Variants in NRSN1 observed in about 807,000 individuals in gnomAD.
The protein encoded by NRSN1 is neurensin-1.
In NRSN1, 14 loss-of-function variants were observed where a neutral mutation model predicts 17.3. The observed-to-expected ratio is 0.81, with a 90% CI of 0.54 to 1.27. The LOEUF is 1.27. NRSN1 is among the 50% of genes most tolerant of loss of function. The pLI is 0.00. For synonymous variants in NRSN1, 79 were observed against 94.2 expected (o/e 0.84, Z 0.93); for missense variants, 209 against 235.9 (o/e 0.89, Z 0.75).
intron 3 of NRSN1, chr6:24,141,057 G>C (rs1024714269): frequency 3.1e-5 from 46 of 1,461,622 alleles, no homozygotes; most frequent in Non-Finnish European, 4.1e-5. Context: ...CATTGGGATT[G>C]GCCTTACCAC....
chr6:24,128,296 A>C (rs1339384749), intron 2 of NRSN1, 96 bp downstream of exon 2: 1 of 151,348 alleles, frequency 6.6e-6, no homozygotes, highest in African/African-American at 2.5e-5. Flanking sequence ...TTCTTTTCTC[A>C]TTTTAGCTTT....
rs766156666 is a variant in NRSN1, at chr6:24,134,534, G to A, written c.189+18G>A. The A allele has an allele frequency of 7.5e-6, 12 of 1,608,088 alleles. No homozygotes were observed. Among genetic ancestry groups the A allele is most frequent in the Non-Finnish European group, 1.0e-5 (12 of 1,175,706 alleles). On this transcript the variant is annotated intron_variant, in intron 3 of 3. Transcript: ENST00000378491. ...TCTGGAAGGTAAGGAAGGAGCATGTGTTTAACTTAGGGAATGGAAAAATTA... is the reference window on the plus strand; with the variant it reads ...TCTGGAAGGTAAGGAAGGAGCATGTATTTAACTTAGGGAATGGAAAAATTA...
chr6:24,131,964 G>A (rs1042398958), intron 2 of NRSN1, among the ~76,000 whole-genome samples: 21 of 151,974 alleles, frequency 1.4e-4, no homozygotes, highest in Non-Finnish European at 4.4e-5. Context: ...AGGTGTGGGT[G>A]TGTATGTGTA....
intron 3 of NRSN1, among the ~76,000 whole-genome samples, chr6:24,136,616 T>C (rs1260642811): frequency 6.6e-6 from 1 of 152,138 alleles, no homozygotes; most frequent in Non-Finnish European, 1.5e-5. Context: ...CACAGAATAT[T>C]GTAAGTGTTC....
chr6:24,129,687 T>C (rs1207679081), intron 2 of NRSN1: 1 of 152,212 alleles, frequency 6.6e-6, no homozygotes, highest in African/African-American at 2.4e-5. Context: ...CTCATGTCTC[T>C]GGGTTATGAT....
At position 24,147,181 on chromosome 6, in the gene NRSN1, C is replaced by A. The variant is rs3747781; in HGVS notation, c.*1235C>A. 0.15 allele frequency: 23,150 copies of A among 152,136 alleles called. 2,047 individuals are homozygous for A. Among genetic ancestry groups the A allele is most frequent in the East Asian group, 0.44 (2,255 of 5,174 alleles). The allele number at this position is 152,136 out of a possible 1,614,324, so 9.4% of individuals were successfully genotyped here. ...AAGTAAGCCATCCTCAAATAAGGAA[C>A]CCCTTGGTAGATATTAACCTTAAAA... On this transcript the variant is annotated 3_prime_UTR_variant, in exon 4 of 4. Coordinates refer to ENST00000378491, the MANE Select transcript of NRSN1 (RefSeq NM_080723.5).
At chr6:24,144,005 G>T (rs900038859) in intron 3 of NRSN1, among the ~76,000 whole-genome samples, 2 of 152,180 alleles carry the variant, frequency 1.3e-5, no homozygotes, top group Non-Finnish European at 2.9e-5. Context: ...AAACCTATGG[G>T]CATTGACCAC....
chr6:24,145,556 C>T lies in NRSN1; in HGVS notation c.198C>T (p.Leu66=). The part of the protein sequence containing the change: ...RWSSVFWKVG[L]ISGTVFVILG... The stretch of plus-strand genomic sequence containing the variant: ...TCATTATCTACCTGTAGGTTGGACT[C>T]ATCTCAGGTACAGTTTTTGTGATCC... The change falls in exon 4 of 4, where the codon CTC becomes CTT. Residue 66 remains leucine (L), a synonymous_variant. Transcript: ENST00000378491. The surrounding 1 kb of genome is among the most constrained non-coding windows in gnomAD (Gnocchi z 4.4). 6.3e-7 allele frequency: 1 copy of T among 1,586,646 alleles called. No individual in the cohort carries two copies. Among genetic ancestry groups the T allele is most frequent in the South Asian group, 1.2e-5 (1 of 86,026 alleles).
intron 3 of NRSN1, among the ~76,000 whole-genome samples, chr6:24,137,524 T>G (rs958317175): frequency 6.8e-6 from 1 of 146,686 alleles, no homozygotes; most frequent in East Asian, 1.9e-4. Flanking sequence ...ATTGTTGTTG[T>G]TTTTTTTTAA....
intron 3 of NRSN1, among the ~76,000 whole-genome samples, chr6:24,142,046 T>C (rs749527901): frequency 6.6e-6 from 1 of 152,188 alleles, no homozygotes; most frequent in African/African-American, 2.4e-5. Flanking sequence ...CTGATATGAG[T>C]CATTTTCTAA....
chr6:24,141,294 A>C, intron 3 of NRSN1: 1 of 1,220,246 alleles, frequency 8.2e-7, no homozygotes, highest in Non-Finnish European at 1.0e-6. Flanking sequence ...ACTGTATGGA[A>C]TTGCTCCCTC....
intron 3 of NRSN1, among the ~76,000 whole-genome samples, chr6:24,135,178 T>C (rs1043906872): frequency 5.3e-5 from 8 of 152,180 alleles, no homozygotes; most frequent in Admixed American, 2.0e-4. Flanking sequence ...AAACAGGCTG[T>C]AAACAAAGAA....
At chr6:24,134,297 C>T (rs1204199756) in intron 2 of NRSN1, 22 bp from the exon 3 acceptor site, 1 of 1,601,928 alleles carries the variant, frequency 6.2e-7, no homozygotes, top group Non-Finnish European at 8.5e-7. Context: ...GGCATTAATC[C>T]ATGTGGATGT....
rs188265916 is a variant in NRSN1, at chr6:24,130,004, A to C, written c.-10+1804A>C. The stretch of plus-strand genomic sequence containing the variant: ...GATTGAATTAAATATAATACTAAAG[A>C]GTGTGTTTACTCTGGATTGAATTAA... On this transcript the variant is annotated intron_variant, in intron 2 of 3. Coordinates refer to ENST00000378491, the MANE Select transcript of NRSN1 (RefSeq NM_080723.5). Among the ~76,000 whole-genome samples, 54 of 152,202 alleles carry C rather than the reference A, an allele frequency of 3.5e-4. 2 individuals are homozygous for C. In the East Asian group the frequency reaches 0.01, roughly 28 times the overall value.
At chr6:24,128,276 A>G (rs1484284915) in intron 2 of NRSN1, 76 bp downstream of exon 2, 1 of 152,220 alleles carries the variant, frequency 6.6e-6, no homozygotes, top group Non-Finnish European at 1.5e-5. Context: ...AGATTAAAAG[A>G]GAATATGGGT....
chr6:24,146,346 G>A lies in NRSN1; in HGVS notation c.*400G>A, dbSNP rs75308688. 6.3e-6 allele frequency: 3 copies of A among 474,118 alleles called. No individual in the cohort carries two copies. The highest frequency in any genetic ancestry group is 2.0e-5 in the African/African-American group (1 of 50,368). 29.4% of individuals were successfully genotyped at this position (474,118 alleles called of 1,614,324 possible). A position where few individuals can be genotyped will look rare whatever the true frequency, so the allele number is the denominator to read the frequency against. ...TATCTAATGTTTTCTGCGTGGTGCT[G>A]TCTTCCATTCCTGTCTCACTATGTG... On this transcript the variant is annotated 3_prime_UTR_variant, in exon 4 of 4. Coordinates refer to ENST00000378491, the MANE Select transcript of NRSN1 (RefSeq NM_080723.5).
intron 2 of NRSN1, chr6:24,129,496 T>C (rs988156000): frequency 6.6e-6 from 1 of 152,152 alleles, no homozygotes; most frequent in Non-Finnish European, 1.5e-5. Flanking sequence ...ATGTATATGG[T>C]CTATCAGACC....
chr6:24,143,082 C>A (rs2113717835), intron 3 of NRSN1, among the ~76,000 whole-genome samples: 1 of 152,248 alleles, frequency 6.6e-6, no homozygotes, highest in Admixed American at 6.5e-5. Flanking sequence ...CCACAGAGTG[C>A]TGATTGGTGA....
At chr6:24,141,180 C>A (rs776412168) in intron 3 of NRSN1, 5 of 1,265,262 alleles carry the variant, frequency 4.0e-6, no homozygotes, top group Non-Finnish European at 4.0e-6. Flanking sequence ...CTTTAAACAA[C>A]CTCTGCATTG....
Sources: allele counts gnomAD v4.1 joint callset (sites outside exome capture counted in the v4.1 genomes callset), GRCh38; gene constraint gnomAD v4.1.1; non-coding constraint Gnocchi (gnomAD v3.1); transcripts MANE v1.5; gene names NCBI Gene and HGNC (gene_info 2026-07-23, HGNC 2026-07-21).